Variants in STAG1 observed in about 807,000 individuals in gnomAD.
The protein encoded by STAG1 is STAG1 cohesin complex component.
Under a neutral mutation model 170.9 loss-of-function variants are expected in STAG1, and 26 were observed. The ratio of observed to expected loss-of-function variants is 0.15; its 90% CI spans 0.11 to 0.21. STAG1 has a LOEUF of 0.21. Among genes scored for constraint, STAG1 ranks in the 10% least tolerant of loss-of-function variants. STAG1 has a pLI of 1.00. For synonymous variants in STAG1, 514 were observed against 497.7 expected, an observed-to-expected ratio of 1.03 and a Z score of -0.44; for missense variants, 964 against 1,509.5, an observed-to-expected ratio of 0.64 and a Z score of 5.99.
At chr3:136,508,619 C>G (rs1933888098) in intron 7 of STAG1, among the ~76,000 whole-genome samples, 1 of 152,202 alleles carries the variant, frequency 6.6e-6, no homozygotes, top group African/African-American at 2.4e-5. Context: ...ACCCAGAATT[C>G]AAGGTTGCAG....
In STAG1 at chr3:136,684,700, C is replaced by T. The variant is rs181982993; in HGVS notation, c.-83-53719G>A. 5.5e-3 allele frequency among the ~76,000 whole-genome samples: 825 copies of T among 149,306 alleles called. 1 individual carries two copies. The highest frequency in any genetic ancestry group is 8.4e-3 in the Admixed American group (124 of 14,768). On this transcript the variant is annotated intron_variant, in intron 1 of 33. Coordinates refer to ENST00000383202, the MANE Select transcript of STAG1 (RefSeq NM_005862.3). Reference sequence around the variant, plus strand: ...TTGAGGTGGGAGAATCGCTTGAACCCGGAAGGTGGAGGTTGCAGTGAGCCA... The same window carrying T: ...TTGAGGTGGGAGAATCGCTTGAACCTGGAAGGTGGAGGTTGCAGTGAGCCA...
At chr3:136,510,198 T>C (rs1190407159) in intron 7 of STAG1, among the ~76,000 whole-genome samples, 2 of 152,158 alleles carry the variant, frequency 1.3e-5, no homozygotes, top group Non-Finnish European at 2.9e-5. Context: ...ATCCCCATAA[T>C]CCCCACATGC....
chr3:136,570,730 A>T (rs907750880), intron 4 of STAG1, among the ~76,000 whole-genome samples: 3 of 152,220 alleles, frequency 2.0e-5, no homozygotes, highest in Non-Finnish European at 4.4e-5. Flanking sequence ...AGTTATTTTA[A>T]TTTAGCCCAT....
chr3:136,563,728 A>ATGTTTTT (rs1936938264), intron 5 of STAG1, among the ~76,000 whole-genome samples: 1 of 151,844 alleles, frequency 6.6e-6, no homozygotes, highest in African/African-American at 2.4e-5. Flanking sequence ...CTAAAAACAT[A>ATGTTTTT]TCCAGAGAAA....
At chr3:136,399,539 G>T (rs900582363) in intron 21 of STAG1, among the ~76,000 whole-genome samples, 1 of 152,130 alleles carries the variant, frequency 6.6e-6, no homozygotes, top group Non-Finnish European at 1.5e-5. Flanking sequence ...CAGATTTATT[G>T]ATGTTGCATG....
intron 16 of STAG1, chr3:136,429,964 T>G (rs1008272566): frequency 2.6e-5 from 4 of 152,248 alleles, no homozygotes; most frequent in African/African-American, 9.6e-5. Flanking sequence ...AATGTGTTAA[T>G]CCATTGTTTG....
intron 1 of STAG1, among the ~76,000 whole-genome samples, chr3:136,709,622 C>T (rs912611143): frequency 6.6e-6 from 1 of 151,808 alleles, no homozygotes; most frequent in African/African-American, 2.4e-5. Context: ...GTTGTCCCGG[C>T]TACTAGGGAG....
At chr3:136,556,572 T>G (rs992553011) in intron 5 of STAG1, among the ~76,000 whole-genome samples, 3 of 151,230 alleles carry the variant, frequency 2.0e-5, no homozygotes, top group South Asian at 2.1e-4. Context: ...TGACATTCGT[T>G]TTTTTTTTGT....
chr3:136,437,829 C>G (rs1194704086), intron 15 of STAG1, among the ~76,000 whole-genome samples: 1 of 152,166 alleles, frequency 6.6e-6, no homozygotes. Context: ...CAATCTTTAA[C>G]TCAGCCATGG....
intron 10 of STAG1, among the ~76,000 whole-genome samples, chr3:136,476,954 G>C (rs1028069306): frequency 1.3e-5 from 2 of 151,932 alleles, no homozygotes; most frequent in South Asian, 4.1e-4. Flanking sequence ...TTAAAAAAAA[G>C]CTTAGTTTTT....
chr3:136,627,756 G>C (rs1313978877), intron 2 of STAG1, among the ~76,000 whole-genome samples: 1 of 152,100 alleles, frequency 6.6e-6, no homozygotes, highest in East Asian at 1.9e-4. Context: ...AACACTACTA[G>C]ACATAAATTA....
chr3:136,614,701 A>C (rs1939493595), intron 3 of STAG1, among the ~76,000 whole-genome samples: 1 of 152,236 alleles, frequency 6.6e-6, no homozygotes, highest in African/African-American at 2.4e-5. Flanking sequence ...GTGTAGGAAA[A>C]TAACTTATCC....
chr3:136,477,662 A>G (rs556700822), intron 9 of STAG1, among the ~76,000 whole-genome samples: 1 of 152,326 alleles, frequency 6.6e-6, no homozygotes, highest in East Asian at 1.9e-4. Context: ...GGGCTAGACA[A>G]TGACATTTGG....
intron 1 of STAG1, among the ~76,000 whole-genome samples, chr3:136,640,966 C>T (rs950542078): frequency 6.6e-5 from 10 of 152,198 alleles, no homozygotes; most frequent in Admixed American, 3.9e-4. Flanking sequence ...TGAGCCACTG[C>T]GCCCGGCCCC....
chr3:136,546,323 T>C (rs1163568578), intron 5 of STAG1, among the ~76,000 whole-genome samples: 1 of 152,210 alleles, frequency 6.6e-6, no homozygotes. Context: ...TCTTGACCTG[T>C]GGCACATGGA....
Position 136,343,779 on chromosome 3 carries a change from G to C in STAG1, c.3446+53C>G, listed in dbSNP as rs903449707. On this transcript the variant is annotated intron_variant, in intron 30 of 33. Coordinates refer to ENST00000383202, the MANE Select transcript of STAG1 (RefSeq NM_005862.3). ...GAACAAATAAAGTTTTTCTTAAATAGTTTTACTTTCTTTAAAGGCTTTTTG... is the reference window on the plus strand; with the variant it reads ...GAACAAATAAAGTTTTTCTTAAATACTTTTACTTTCTTTAAAGGCTTTTTG... 9.2e-6 allele frequency: 13 copies of C among 1,414,180 alleles called. No homozygotes were observed. In the South Asian group the frequency reaches 1.3e-4, roughly 15 times the overall value. The allele number at this position is 1,414,180 out of a possible 1,614,324, so 87.6% of individuals were successfully genotyped here. A position where few individuals can be genotyped will look rare whatever the true frequency, so the allele number is the denominator to read the frequency against.
chr3:136,422,528 T>C lies in STAG1; in HGVS notation c.1919A>G (p.Tyr640Cys), dbSNP rs773332391. 4.3e-6 allele frequency: 7 copies of C among 1,614,088 alleles called. No homozygotes were observed. Among genetic ancestry groups the C allele is most frequent in the East Asian group, 4.5e-5 (2 of 44,848 alleles). The change falls in exon 19 of 34, where the codon TAT (tyrosine) becomes TGT (cysteine). Residue 640 changes from tyrosine to cysteine, a missense_variant. Tyr to Cys is a radical substitution (Grantham distance 194, BLOSUM62 -2). Coordinates refer to ENST00000383202, the MANE Select transcript of STAG1 (RefSeq NM_005862.3). ...SDVLEACSKT[Y>C]SILCSEEYTI... ...ATATTCTTCACTGCATAAGATACTATAGGTTTTACTGCAGGCTTCTAGAAC... is the reference window on the plus strand; with the variant it reads ...ATATTCTTCACTGCATAAGATACTACAGGTTTTACTGCAGGCTTCTAGAAC...
At chr3:136,670,327 G>C (rs576143866) in intron 1 of STAG1, among the ~76,000 whole-genome samples, 1 of 152,224 alleles carries the variant, frequency 6.6e-6, no homozygotes, top group African/African-American at 2.4e-5. Context: ...TCATAATTAA[G>C]TGATTTTAAA....
At chr3:136,582,615 G>A (rs1274943428) in intron 4 of STAG1, among the ~76,000 whole-genome samples, 2 of 152,114 alleles carry the variant, frequency 1.3e-5, no homozygotes, top group African/African-American at 4.8e-5. Context: ...CCTGGCCAAT[G>A]TGGCGAAACG....
Sources: allele counts gnomAD v4.1 joint callset (sites outside exome capture counted in the v4.1 genomes callset), GRCh38; gene constraint gnomAD v4.1.1; transcripts MANE v1.5; gene names NCBI Gene and HGNC (gene_info 2026-07-23, HGNC 2026-07-21).